Variants in STK24 observed in about 807,000 individuals in gnomAD.
The protein encoded by STK24 is serine/threonine kinase 24, also known as serine/threonine-protein kinase 24.
Under a neutral mutation model 55.6 loss-of-function variants are expected in STK24, and 21 were observed. The observed-to-expected ratio is 0.38, with a 90% CI of 0.27 to 0.54. The LOEUF (loss-of-function observed/expected upper bound fraction) is 0.54. STK24 is among the 20% of genes least tolerant of loss of function. The probability of loss-of-function intolerance (pLI) is 0.79; values close to 1 mark genes in which losing one functional copy is unlikely to be tolerated. For synonymous variants in STK24, 200 were observed against 215.2 expected (o/e 0.93, Z 0.62); for missense variants, 383 against 538.4 (o/e 0.71, Z 2.86).
intron 1 of STK24, among the ~76,000 whole-genome samples, 186 bp downstream of exon 1, chr13:98,576,559 G>C (rs1252242297): frequency 6.6e-6 from 1 of 152,024 alleles, no homozygotes; most frequent in Admixed American, 6.5e-5. Context: ...GGAGACCTCG[G>C]CCGCCGGAGC....
intron 2 of STK24, among the ~76,000 whole-genome samples, chr13:98,499,610 G>C (rs977520827): frequency 6.6e-6 from 1 of 151,856 alleles, no homozygotes; most frequent in Non-Finnish European, 1.5e-5. Flanking sequence ...GAGAAGGAGA[G>C]GGGGCAGGCC....
At chr13:98,509,891 C>G (rs1404249653) in intron 2 of STK24, among the ~76,000 whole-genome samples, 1 of 152,180 alleles carries the variant, frequency 6.6e-6, no homozygotes, top group Non-Finnish European at 1.5e-5. Context: ...CCTTGTGTAA[C>G]CCAGGACAGA....
chr13:98,550,520 C>A (rs1351493002), intron 1 of STK24, among the ~76,000 whole-genome samples: 1 of 152,166 alleles, frequency 6.6e-6, no homozygotes, highest in Admixed American at 6.5e-5. Flanking sequence ...GGAAGCGAGA[C>A]CCTCTCTCCA....
At chr13:98,503,575 G>A (rs1895571124) in intron 2 of STK24, among the ~76,000 whole-genome samples, 2 of 152,298 alleles carry the variant, frequency 1.3e-5, no homozygotes, top group Admixed American at 1.3e-4. Flanking sequence ...CGTTCCCCTT[G>A]GAAAGTCAGC....
chr13:98,486,028 G>A (rs571040242), intron 2 of STK24, among the ~76,000 whole-genome samples: 3 of 152,142 alleles, frequency 2.0e-5, no homozygotes, highest in East Asian at 1.9e-4. Flanking sequence ...GACTCGGGGA[G>A]GGGAACATCA....
intron 1 of STK24, among the ~76,000 whole-genome samples, chr13:98,572,563 G>A (rs1317801381): frequency 2.0e-5 from 3 of 152,100 alleles, no homozygotes; most frequent in African/African-American, 7.2e-5. Context: ...CCCTAGGGTG[G>A]AGCAGAGCAC....
At chr13:98,530,694 C>T (rs1217766461) in intron 1 of STK24, among the ~76,000 whole-genome samples, 1 of 152,184 alleles carries the variant, frequency 6.6e-6, no homozygotes, top group African/African-American at 2.4e-5. Flanking sequence ...AGACCTCCAG[C>T]AAGTTCTTAG....
At chr13:98,505,084 AT>A (rs964195536) in intron 2 of STK24, 2 of 152,242 alleles carry the variant, frequency 1.3e-5, no homozygotes, top group African/African-American at 4.8e-5. Flanking sequence ...GTGGTTTTGC[AT>A]TTGGCATATT....
chr13:98,541,043 C>T (rs563217444), intron 1 of STK24, among the ~76,000 whole-genome samples: 27 of 152,266 alleles, frequency 1.8e-4, no homozygotes, highest in South Asian at 1.7e-3. Flanking sequence ...AGCACCTGGA[C>T]GCATTTAGAT....
At chr13:98,460,231 A>G (rs1893643453) in intron 9 of STK24, 141 bp downstream of exon 9, 1 of 752,732 alleles carries the variant, frequency 1.3e-6, no homozygotes, top group African/African-American at 1.8e-5. Context: ...AGCCTTTGGG[A>G]AGGCACCATG....
chr13:98,484,727 A>T (rs1281163893), intron 2 of STK24, among the ~76,000 whole-genome samples: 1 of 152,168 alleles, frequency 6.6e-6, no homozygotes, highest in Non-Finnish European at 1.5e-5. Flanking sequence ...AGACACCTCA[A>T]CCAAGTTTTC....
At chr13:98,508,396 A>G (rs1179960598) in intron 2 of STK24, among the ~76,000 whole-genome samples, 1 of 152,224 alleles carries the variant, frequency 6.6e-6, no homozygotes, top group African/African-American at 2.4e-5. Context: ...ATAGTAGGAA[A>G]TTTCACAGAA....
intron 1 of STK24, among the ~76,000 whole-genome samples, chr13:98,526,750 C>T (rs1896440545): frequency 6.6e-6 from 1 of 152,170 alleles, no homozygotes; most frequent in African/African-American, 2.4e-5. Flanking sequence ...GAGTGAGTGA[C>T]CGCTTGTCAG....
At chr13:98,551,765 C>A (rs1333740995) in intron 1 of STK24, among the ~76,000 whole-genome samples, 1 of 152,190 alleles carries the variant, frequency 6.6e-6, no homozygotes, top group Non-Finnish European at 1.5e-5. Flanking sequence ...CCGAAGCTGG[C>A]CTGTGAGTTC....
At chr13:98,489,153 C>A (rs1566364616) in intron 2 of STK24, among the ~76,000 whole-genome samples, 1 of 152,236 alleles carries the variant, frequency 6.6e-6, no homozygotes, top group Non-Finnish European at 1.5e-5. Context: ...GCCTCCACTT[C>A]CCATTGCCCC....
At chr13:98,524,429 TG>T (rs940903191) in intron 1 of STK24, among the ~76,000 whole-genome samples, 47 of 152,160 alleles carry the variant, frequency 3.1e-4, no homozygotes, top group Non-Finnish European at 3.1e-4. Context: ...AGAGGCCACG[TG>T]GAAGAGAGCA....
intron 2 of STK24, among the ~76,000 whole-genome samples, chr13:98,515,069 T>C (rs918723178): frequency 1.4e-5 from 2 of 141,858 alleles, no homozygotes; most frequent in East Asian, 2.0e-4. Flanking sequence ...GACACTCTGA[T>C]AGAATAGCAA....
At chr13:98,542,969 C>A in intron 1 of STK24, 1 of 985,342 alleles carries the variant, frequency 1.0e-6, no homozygotes, top group Non-Finnish European at 1.2e-6. Flanking sequence ...AGTCTCAGAT[C>A]CACCACTTCC....
chr13:98,456,929 A>C lies in STK24; in HGVS notation c.1259+239T>G. 3 of 579,880 alleles carry C rather than the reference A, an allele frequency of 5.2e-6. 1 individual carries two copies. The South Asian group carries it at 7.1e-5, about 14-fold the overall frequency. 35.9% of individuals were successfully genotyped at this position (579,880 alleles called of 1,614,324 possible). Reference sequence around the variant, plus strand: ...ACCACCACCCTGTATTTATGTGGCAAAAGCTACAAATGCACTAAGTCCTGT... The same window carrying C: ...ACCACCACCCTGTATTTATGTGGCACAAGCTACAAATGCACTAAGTCCTGT... On this transcript the variant is annotated intron_variant, in intron 10 of 10. Transcript: ENST00000539966.
Sources: allele counts gnomAD v4.1 joint callset (sites outside exome capture counted in the v4.1 genomes callset), GRCh38; gene constraint gnomAD v4.1.1; transcripts MANE v1.5; gene names NCBI Gene and HGNC (gene_info 2026-07-23, HGNC 2026-07-21).